Variants in PPP2R5C observed in about 807,000 individuals in gnomAD.
The protein encoded by PPP2R5C is serine/threonine-protein phosphatase 2A 56 kDa regulatory subunit gamma isoform.
In PPP2R5C, 7 loss-of-function variants were observed where a neutral mutation model predicts 68.9. The observed-to-expected ratio is 0.10, with a 90% CI of 0.06 to 0.19. The LOEUF (loss-of-function observed/expected upper bound fraction) is 0.19. Among genes scored for constraint, PPP2R5C ranks in the 10% least tolerant of loss-of-function variants. PPP2R5C has a pLI of 1.00. For missense variants in PPP2R5C, 348 were observed against 641.3 expected, an observed-to-expected ratio of 0.54 and a Z score of 4.94; for synonymous variants, 210 against 222.2, an observed-to-expected ratio of 0.95 and a Z score of 0.49.
intron 3 of PPP2R5C, among the ~76,000 whole-genome samples, chr14:101,787,506 G>C (rs1474235236): frequency 6.6e-6 from 1 of 152,038 alleles, no homozygotes. Flanking sequence ...GCTCATGCCT[G>C]TAATCCCAGC....
chr14:101,881,361 C>T (rs2044161921), intron 2 of PPP2R5C, among the ~76,000 whole-genome samples: 1 of 152,166 alleles, frequency 6.6e-6, no homozygotes, highest in South Asian at 2.1e-4. Flanking sequence ...GTTCGCACCA[C>T]TACACTCCAA....
At chr14:101,823,865 A>G in intron 1 of PPP2R5C, 1 of 1,242,378 alleles carries the variant, frequency 8.0e-7, no homozygotes, top group South Asian at 1.4e-5. Flanking sequence ...TGTAGAGTGC[A>G]GTGCAGCTGA....
chr14:101,802,126 G>A (rs1164691585), intron 3 of PPP2R5C, among the ~76,000 whole-genome samples: 1 of 152,160 alleles, frequency 6.6e-6, no homozygotes, highest in African/African-American at 2.4e-5. Context: ...AGAATGAAGC[G>A]GGACCTGGCC....
intron 3 of PPP2R5C, among the ~76,000 whole-genome samples, chr14:101,792,947 G>T (rs1424698886): frequency 6.7e-6 from 1 of 149,344 alleles, no homozygotes; most frequent in Non-Finnish European, 1.5e-5. Context: ...GTGCAATCTT[G>T]GCTCCCTGCA....
At chr14:101,826,036 T>G (rs1239078594) in intron 1 of PPP2R5C, among the ~76,000 whole-genome samples, 1 of 152,268 alleles carries the variant, frequency 6.6e-6, no homozygotes, top group East Asian at 1.9e-4. Context: ...AGTCTTTATG[T>G]ACTCCGAGAA....
chr14:101,901,947 A>C, intron 9 of PPP2R5C, 58 bp downstream of exon 11: 1 of 1,564,294 alleles, frequency 6.4e-7, no homozygotes, highest in African/African-American at 1.4e-5. Flanking sequence ...GGGAAAGGAA[A>C]AGTTCCATGC....
At chr14:101,828,138 T>C (rs1261080788) in intron 1 of PPP2R5C, among the ~76,000 whole-genome samples, 1 of 152,206 alleles carries the variant, frequency 6.6e-6, no homozygotes, top group Non-Finnish European at 1.5e-5. Context: ...AAATGATTTA[T>C]GTAACCTCAA....
At chr14:101,779,710 T>G (rs1394851076) in intron 2 of PPP2R5C, among the ~76,000 whole-genome samples, 1 of 152,012 alleles carries the variant, frequency 6.6e-6, no homozygotes, top group East Asian at 1.9e-4. Flanking sequence ...CCGCAGGCAG[T>G]GGGGAGCCAC....
intron 13 of PPP2R5C, among the ~76,000 whole-genome samples, chr14:101,922,846 T>G (rs932589395): frequency 6.6e-6 from 1 of 152,066 alleles, no homozygotes; most frequent in East Asian, 1.9e-4. Flanking sequence ...TTAAAGAAAT[T>G]TGGTCCCTTA....
At chr14:101,841,823 C>T (rs1225146234) in intron 1 of PPP2R5C, among the ~76,000 whole-genome samples, 1 of 152,180 alleles carries the variant, frequency 6.6e-6, no homozygotes, top group East Asian at 1.9e-4. Flanking sequence ...GGTGGACAGC[C>T]AGGAGGCTGG....
intron 13 of PPP2R5C, 65 bp downstream of exon 15, chr14:101,918,012 T>TA: frequency 6.2e-7 from 1 of 1,607,136 alleles, no homozygotes; most frequent in Non-Finnish European, 8.5e-7. Flanking sequence ...CACATTTTTG[T>TA]AGGCGATGTG....
At chr14:101,865,800 T>A (rs999069007) in intron 2 of PPP2R5C, among the ~76,000 whole-genome samples, 1 of 152,170 alleles carries the variant, frequency 6.6e-6, no homozygotes, top group Non-Finnish European at 1.5e-5. Flanking sequence ...CCTCCAAGAT[T>A]TCTCAGAATG....
intron 13 of PPP2R5C, among the ~76,000 whole-genome samples, chr14:101,922,849 G>A (rs991518835): frequency 6.6e-6 from 1 of 152,094 alleles, no homozygotes; most frequent in Non-Finnish European, 1.5e-5. Context: ...AAGAAATTTG[G>A]TCCCTTAAGA....
intron 1 of PPP2R5C, chr14:101,818,633 C>CA (rs34613639): frequency 0.12 from 15,042 of 126,504 alleles, 515 homozygotes; most frequent in Admixed American, 0.19. Flanking sequence ...GACTCTGTCT[C>CA]AAAAAAAAAA....
chr14:101,840,860 G>A (rs1012347892), intron 1 of PPP2R5C, among the ~76,000 whole-genome samples: 4 of 152,200 alleles, frequency 2.6e-5, no homozygotes, highest in Admixed American at 6.5e-5. Flanking sequence ...GTTGCTGAGT[G>A]CAGTGCATTA....
At chr14:101,801,283 T>C (rs2038851370) in intron 3 of PPP2R5C, among the ~76,000 whole-genome samples, 1 of 152,178 alleles carries the variant, frequency 6.6e-6, no homozygotes, top group Non-Finnish European at 1.5e-5. Flanking sequence ...GACCTGGTCA[T>C]TACACATTGT....
chr14:101,898,620 A>G (rs185068934), intron 8 of PPP2R5C, among the ~76,000 whole-genome samples: 200 of 152,304 alleles, frequency 1.3e-3, no homozygotes, highest in African/African-American at 4.3e-3. Context: ...TAAATGTTAC[A>G]TGCAGGACTC....
chr14:101,924,445 C>CTTTTTTTTTTTTTTGTTTTTTTTTTTTT (rs11325673), intron 13 of PPP2R5C, among the ~76,000 whole-genome samples: 1 of 84,502 alleles, frequency 1.2e-5, no homozygotes, highest in African/African-American at 4.3e-5. Context: ...ATTTCTACAT[C>CTTTTTTTTTTTTTTGTTTTTTTTTTTTT]TTTTTTTTTT....
chr14:101,783,536 G>A (rs1366892689), intron 2 of PPP2R5C, among the ~76,000 whole-genome samples: 1 of 151,890 alleles, frequency 6.6e-6, no homozygotes, highest in African/African-American at 2.4e-5. Flanking sequence ...ACGAGAGAAT[G>A]GAGTGGGGCA....
Sources: gnomAD v4.1 joint callset for allele counts (sites outside exome capture counted in the v4.1 genomes callset) on GRCh38, gnomAD v4.1.1 for gene constraint, MANE v1.5 for transcripts, NCBI Gene and HGNC (gene_info 2026-07-23, HGNC 2026-07-21) for gene names.